Variants in CORIN observed in about 807,000 individuals in gnomAD.
CORIN encodes the protein atrial natriuretic peptide-converting enzyme.
Under a neutral mutation model 125.3 loss-of-function variants are expected in CORIN, and 117 were observed. That is an observed-to-expected ratio of 0.93 (90% CI 0.80 to 1.09). CORIN has a LOEUF of 1.09. Ranked by LOEUF, CORIN falls within the 50% of genes least tolerant of loss-of-function variation. CORIN has a pLI of 0.00. For missense variants in CORIN, 1,253 were observed against 1,306.7 expected (o/e 0.96, Z 0.63); for synonymous variants, 450 against 466.4 (o/e 0.96, Z 0.45).
chr4:47,657,535 C>CA (rs35311151), intron 12 of CORIN, among the ~76,000 whole-genome samples: 29,332 of 81,694 alleles, frequency 0.36, 3,792 homozygotes, highest in Admixed American at 0.44. Context: ...ACTCCGTCTC[C>CA]AAAAAAAAAA....
At chr4:47,672,387 C>T (rs192800901) in intron 10 of CORIN, among the ~76,000 whole-genome samples, 15 of 152,254 alleles carry the variant, frequency 9.9e-5, no homozygotes, top group African/African-American at 3.4e-4. Flanking sequence ...TCACTTCCTA[C>T]CCAAATTTGA....
intron 4 of CORIN, among the ~76,000 whole-genome samples, chr4:47,755,793 T>C (rs1729109890): frequency 6.6e-6 from 1 of 152,204 alleles, no homozygotes; most frequent in African/African-American, 2.4e-5. Context: ...TCCCTTAATA[T>C]ACACACAAAA....
rs748347064 is a variant in CORIN, at chr4:47,595,891, C to T, written c.2959G>A (p.Gly987Arg). Residue 987 changes from glycine (G) to arginine (R), a missense_variant, in exon 22 of 22, where the codon GGG (glycine) becomes AGG (arginine). By Grantham distance (125) the Gly-to-Arg change is moderately radical. Transcript: ENST00000273857. ...TVDSCMGDSG[G>R]PLVCEKPGGR... Reference sequence around the variant, plus strand: ...CCAGGCTTCTCACAAACAAGAGGCCCACCGCTGTCACCCTGCAATAAGTAA... The same window carrying T: ...CCAGGCTTCTCACAAACAAGAGGCCTACCGCTGTCACCCTGCAATAAGTAA... 1.2e-6 allele frequency: 2 copies of T among 1,607,966 alleles called. No homozygotes were observed. Among genetic ancestry groups the T allele is most frequent in the East Asian group, 4.5e-5 (2 of 44,828 alleles).
intron 1 of CORIN, among the ~76,000 whole-genome samples, chr4:47,836,302 T>C (rs565906899): frequency 7.0e-6 from 1 of 143,688 alleles, no homozygotes; most frequent in African/African-American, 2.5e-5. Context: ...CTAATGAATG[T>C]TTTGACTGTG....
intron 1 of CORIN, among the ~76,000 whole-genome samples, chr4:47,825,237 C>A (rs766654476): frequency 6.6e-6 from 1 of 152,178 alleles, no homozygotes; most frequent in Admixed American, 6.5e-5. Context: ...TCCGGATCAG[C>A]GATGGAAAGC....
At chr4:47,789,856 T>C (rs1432742821) in intron 2 of CORIN, among the ~76,000 whole-genome samples, 1 of 151,856 alleles carries the variant, frequency 6.6e-6, no homozygotes, top group East Asian at 1.9e-4. Context: ...CCGTCTCTAC[T>C]AAAAATACAA....
At chr4:47,808,269 C>CT (rs1383126423) in intron 1 of CORIN, among the ~76,000 whole-genome samples, 2 of 152,104 alleles carry the variant, frequency 1.3e-5, no homozygotes, top group Non-Finnish European at 2.9e-5. Context: ...AAATACCAAA[C>CT]TTTTTTTAAA....
Position 47,626,435 on chromosome 4 carries a change from C to G in CORIN, c.2285G>C (p.Gly762Ala). 6.2e-7 allele frequency: 1 copy of G among 1,612,524 alleles called. No individual in the cohort carries two copies. Among genetic ancestry groups the G allele is most frequent in the Non-Finnish European group, 8.5e-7 (1 of 1,178,610 alleles). The stretch of plus-strand genomic sequence containing the variant: ...TACTAGAAGTTCATGTAAAGTGGTC[C>G]CATTGAGGCTCTCCCAGTTGGAGTG... ...TLHSNWESLN[G>A]TTLHELLVNG... is the part of the protein sequence containing the mutation. The change falls in exon 17 of 22, where the codon GGG (glycine) becomes GCG (alanine). Residue 762 changes from glycine (G) to alanine (A), a missense_variant. Coordinates refer to ENST00000273857, the MANE Select transcript of CORIN (RefSeq NM_006587.4).
At chr4:47,784,621 G>GA (rs1730704018) in intron 3 of CORIN, among the ~76,000 whole-genome samples, 2 of 152,140 alleles carry the variant, frequency 1.3e-5, no homozygotes, top group Admixed American at 1.3e-4. Context: ...CTTAGTAGAA[G>GA]AAAATAACAA....
intron 13 of CORIN, among the ~76,000 whole-genome samples, chr4:47,650,999 T>C (rs1345950601): frequency 6.6e-6 from 1 of 152,226 alleles, no homozygotes; most frequent in African/African-American, 2.4e-5. Flanking sequence ...GCTGGAGACA[T>C]TTAAGAACAG....
chr4:47,722,563 A>T (rs1349471993), intron 5 of CORIN, among the ~76,000 whole-genome samples: 1 of 152,228 alleles, frequency 6.6e-6, no homozygotes, highest in South Asian at 2.1e-4. Context: ...AAATGTTGTC[A>T]GAGAAGATAT....
intron 10 of CORIN, among the ~76,000 whole-genome samples, chr4:47,670,981 C>A (rs1233868496): frequency 5.9e-5 from 9 of 152,164 alleles, no homozygotes; most frequent in Non-Finnish European, 1.5e-5. Flanking sequence ...AAGCTGTAGG[C>A]ACTTCTGTGA....
chr4:47,781,475 C>T (rs1290789290), intron 3 of CORIN, among the ~76,000 whole-genome samples: 1 of 152,050 alleles, frequency 6.6e-6, no homozygotes, highest in East Asian at 1.9e-4. Context: ...ATGGTTTGTC[C>T]AACTGTAGGC....
chr4:47,719,394 A>G (rs1176697561), intron 5 of CORIN, among the ~76,000 whole-genome samples: 1 of 152,190 alleles, frequency 6.6e-6, no homozygotes, highest in Non-Finnish European at 1.5e-5. Flanking sequence ...ATATAAATGA[A>G]TAGTGCATAG....
At chr4:47,679,051 T>C (rs1725147753) in intron 8 of CORIN, among the ~76,000 whole-genome samples, 1 of 152,262 alleles carries the variant, frequency 6.6e-6, no homozygotes, top group African/African-American at 2.4e-5. Flanking sequence ...GCCAATTAAA[T>C]ATTCAATCTC....
chr4:47,665,538 C>T (rs2109674177), intron 10 of CORIN, among the ~76,000 whole-genome samples: 1 of 152,274 alleles, frequency 6.6e-6, no homozygotes, highest in South Asian at 2.1e-4. Context: ...CTTGGCTCAA[C>T]TTATCTAAAG....
In CORIN at chr4:47,623,675, C is replaced by A. The variant is rs1722430057; in HGVS notation, c.2436G>T (p.Arg812Ser). The A allele has an allele frequency of 6.2e-7, 1 of 1,614,232 alleles. No homozygotes were observed. The highest frequency in any genetic ancestry group is 8.5e-7 in the Non-Finnish European group (1 of 1,180,036). ...TCTGCAGAGAACACTGCCATGGCCA[C>A]CTTCCAGGGCGACTCGTCCGACCTC... ...ILGGRTSRPGRWPWQCSLQSE... is the reference protein window; with the variant it reads ...ILGGRTSRPGSWPWQCSLQSE... Residue 812 changes from arginine (R) to serine (S), a missense_variant, in exon 19 of 22, where the codon AGG becomes AGT. By Grantham distance (110) the Arg-to-Ser change is moderately radical. Coordinates refer to ENST00000273857, the MANE Select transcript of CORIN (RefSeq NM_006587.4).
rs199627518 is a variant in CORIN at position 47,653,535 on chromosome 4, A to G, written c.1843+18T>C. On this transcript the variant is annotated intron_variant, in intron 13 of 21. Coordinates refer to ENST00000273857, the MANE Select transcript of CORIN (RefSeq NM_006587.4). ...TTATCACTGTACATTCAAGAAAAGTACCATTGCACATACATACCACAGTTT... is the reference window on the plus strand; with the variant it reads ...TTATCACTGTACATTCAAGAAAAGTGCCATTGCACATACATACCACAGTTT... 1.3e-6 allele frequency: 2 copies of G among 1,588,486 alleles called. No homozygotes were observed. The highest frequency in any genetic ancestry group is 2.7e-5 in the African/African-American group (2 of 74,562).
At chr4:47,649,428 G>A (rs1317606) in intron 13 of CORIN, among the ~76,000 whole-genome samples, 39,936 of 152,136 alleles carry the variant, frequency 0.26, 5,523 homozygotes, top group Admixed American at 0.36. Flanking sequence ...TGCTAGACAG[G>A]ACTCCTTCCC....
Sources: gnomAD v4.1 joint callset for allele counts (sites outside exome capture counted in the v4.1 genomes callset) on GRCh38, gnomAD v4.1.1 for gene constraint, MANE v1.5 for transcripts, NCBI Gene and HGNC (gene_info 2026-07-23, HGNC 2026-07-21) for gene names.